Variants in RDX observed in about 807,000 individuals in gnomAD.
RDX encodes the protein radixin, also known as deafness, autosomal recessive 24.
A neutral mutation model predicts 83.7 loss-of-function variants in RDX; 32 were observed. The ratio of observed to expected loss-of-function variants is 0.38; its 90% confidence interval spans 0.29 to 0.51. RDX has a LOEUF of 0.51. RDX is among the 20% of genes least tolerant of loss of function. The probability of loss-of-function intolerance (pLI) is 0.87; values close to 1 mark genes in which losing one functional copy is unlikely to be tolerated. For synonymous variants in RDX, 229 were observed against 222.7 expected (o/e 1.03, Z -0.25); for missense variants, 600 against 689.9 (o/e 0.87, Z 1.46).
chr11:110,264,276 T>C, intron 4 of RDX, 42 bp from the exon 5 acceptor site: 2 of 1,382,054 alleles, frequency 1.4e-6, no homozygotes, highest in Non-Finnish European at 2.0e-6. Context: ...AAATCTTAAG[T>C]TTACAATAAT....
chr11:110,284,249 CT>C (rs1015018063), intron 1 of RDX, among the ~76,000 whole-genome samples: 1 of 152,048 alleles, frequency 6.6e-6, no homozygotes, highest in African/African-American at 2.4e-5. Context: ...GTAATAAATC[CT>C]CCAGAAGATA....
chr11:110,177,628 C>T (rs1479606636), intron 15 of RDX, among the ~76,000 whole-genome samples: 1 of 152,184 alleles, frequency 6.6e-6, no homozygotes, highest in South Asian at 2.1e-4. Flanking sequence ...CTTGGCCTGG[C>T]CTGGGAGCTC....
chr11:110,218,330 A>G (rs978862285), intron 14 of RDX, among the ~76,000 whole-genome samples: 1 of 152,250 alleles, frequency 6.6e-6, no homozygotes, highest in Non-Finnish European at 1.5e-5. Flanking sequence ...CTTGTTGCTG[A>G]AACCAGTTTA....
chr11:110,248,759 G>A (rs1859213115), intron 9 of RDX, among the ~76,000 whole-genome samples: 1 of 152,144 alleles, frequency 6.6e-6, no homozygotes, highest in African/African-American at 2.4e-5. Flanking sequence ...ATAAAGGACT[G>A]AAGGGAGCAA....
intron 7 of RDX, among the ~76,000 whole-genome samples, chr11:110,256,764 CT>C (rs1859562306): frequency 6.6e-6 from 1 of 152,104 alleles, no homozygotes; most frequent in African/African-American, 2.4e-5. Flanking sequence ...GTCATTTTTG[CT>C]TTTCAAAAAT....
intron 3 of RDX, among the ~76,000 whole-genome samples, chr11:110,267,146 T>C (rs1860083152): frequency 6.6e-6 from 1 of 152,112 alleles, no homozygotes; most frequent in African/African-American, 2.4e-5. Context: ...TCAAGGGATC[T>C]GCCCACCTCA....
intron 15 of RDX, among the ~76,000 whole-genome samples, chr11:110,181,612 G>A (rs1377527460): frequency 6.6e-6 from 1 of 152,238 alleles, no homozygotes; most frequent in Non-Finnish European, 1.5e-5. Flanking sequence ...CCAAGAATGG[G>A]GGCATGGCCC....
At chr11:110,267,094 G>C (rs1333654160) in intron 3 of RDX, among the ~76,000 whole-genome samples, 1 of 152,048 alleles carries the variant, frequency 6.6e-6, no homozygotes, top group African/African-American at 2.4e-5. Flanking sequence ...AGTAGAGATA[G>C]GGTCTCACTA....
chr11:110,262,428 T>C (rs1859842136), intron 5 of RDX, among the ~76,000 whole-genome samples: 1 of 151,896 alleles, frequency 6.6e-6, no homozygotes, highest in Admixed American at 6.6e-5. Flanking sequence ...CCACTAAAAA[T>C]GCAAAAATTA....
rs564909434 is a variant in RDX, at chr11:110,286,567, A to G, written c.-64-6811T>C. 2.6e-5 allele frequency among the ~76,000 whole-genome samples: 4 copies of G among 152,368 alleles called. No homozygotes were observed. In the South Asian group the frequency reaches 6.2e-4, roughly 24 times the overall value. On this transcript the variant is annotated intron_variant, in intron 1 of 13. Transcript: ENST00000645495. ...GTCCATGCAGTGCCTGCACTGAAGC[A>G]TCAATAATTCATAGCAGATTGCCTG...
chr11:110,294,540 T>C (rs893605943), intron 1 of RDX, among the ~76,000 whole-genome samples: 1 of 151,962 alleles, frequency 6.6e-6, no homozygotes, highest in African/African-American at 2.4e-5. Context: ...ATTTATCGAC[T>C]TAAAAAAAAA....
intron 15 of RDX, among the ~76,000 whole-genome samples, chr11:110,187,061 G>T (rs1425726088): frequency 6.6e-6 from 1 of 152,152 alleles, no homozygotes; most frequent in East Asian, 1.9e-4. Context: ...AGTTTCTCCT[G>T]GGCAAAAAGA....
intron 14 of RDX, among the ~76,000 whole-genome samples, chr11:110,217,984 T>A (rs1384493782): frequency 2.6e-5 from 4 of 152,208 alleles, no homozygotes; most frequent in Non-Finnish European, 5.9e-5. Context: ...ATCTAATAAA[T>A]GTTTAATGAA....
exon 16 of RDX, chr11:110,175,077 G>A (rs1309422592): frequency 6.6e-6 from 1 of 152,172 alleles, no homozygotes; most frequent in Non-Finnish European, 1.5e-5. Flanking sequence ...GATGGGCTTG[G>A]GTTGGGACTC....
In RDX at chr11:110,263,960, C is replaced by T. The variant is rs753570699; in HGVS notation, c.467G>A (p.Arg156His). Residue 156 changes from arginine to histidine, a missense_variant and splice_region_variant, in exon 5 of 14, where the codon CGT becomes CAT. By Grantham distance (29) the Arg-to-His change is conservative. Coordinates refer to ENST00000645495, the MANE Select transcript of RDX (RefSeq NM_002906.4). Reference sequence around the variant, plus strand: ...TAATGCAAACGCATGTTTCACTTACCGCTGGGGTAGGAGTCTATCATTAGC... The same window carrying T: ...TAATGCAAACGCATGTTTCACTTACTGCTGGGGTAGGAGTCTATCATTAGC... ...YLANDRLLPQ[R>H]VLEQHKLTKE... is the part of the protein sequence containing the mutation. The T allele has an allele frequency of 4.3e-6, 7 of 1,612,662 alleles. No homozygotes were observed. The highest frequency in any genetic ancestry group is 3.3e-5 in the South Asian group (3 of 91,000).
intron 1 of RDX, among the ~76,000 whole-genome samples, chr11:110,285,753 A>G (rs1555048935): frequency 6.6e-6 from 1 of 150,838 alleles, no homozygotes; most frequent in Non-Finnish European, 1.5e-5. Context: ...TCTAGTCTAT[A>G]AATATATTAG....
Position 110,264,015 on chromosome 11 carries a change from T to C in RDX, c.412A>G (p.Asn138Asp). Reference protein sequence around the residue: ...YAVQAKYGDYNKEIHKPGYLA... With the variant: ...YAVQAKYGDYDKEIHKPGYLA... Reference sequence around the variant, plus strand: ...TAGCCTGGCTTATGAATCTCTTTATTGTAATCTCCATACTTGGCTTGGACA... The same window carrying C: ...TAGCCTGGCTTATGAATCTCTTTATCGTAATCTCCATACTTGGCTTGGACA... The change falls in exon 5 of 14, where the codon AAT (asparagine) becomes GAT (aspartate). Residue 138 changes from asparagine to aspartate, a missense_variant. Coordinates refer to ENST00000645495, the MANE Select transcript of RDX (RefSeq NM_002906.4). The C allele has an allele frequency of 6.2e-7, 1 of 1,613,798 alleles. No homozygotes were observed. Among genetic ancestry groups the C allele is most frequent in the African/African-American group, 1.3e-5 (1 of 75,040 alleles).
chr11:110,200,821 A>T (rs955663042), intron 14 of RDX, among the ~76,000 whole-genome samples: 4 of 152,212 alleles, frequency 2.6e-5, no homozygotes, highest in Admixed American at 6.5e-5. Context: ...ATAGTACCTG[A>T]AATTTAAGAA....
At position 110,229,496 on chromosome 11, in the gene RDX, T is replaced by C. The variant is rs1864542938; in HGVS notation, c.*2373A>G. ...TTAACCAATGAATATTATCCAAAATTAGAGATGTAATTGTAACTTAATTGT... is the reference window on the plus strand; with the variant it reads ...TTAACCAATGAATATTATCCAAAATCAGAGATGTAATTGTAACTTAATTGT... On this transcript the variant is annotated 3_prime_UTR_variant, in exon 14 of 14. Transcript: ENST00000645495. 1 of 152,440 alleles carries C rather than the reference T, an allele frequency of 6.6e-6. No individual in the cohort carries two copies. The allele number at this position is 152,440 out of a possible 1,614,324, so 9.4% of individuals were successfully genotyped here. A position where few individuals can be genotyped will look rare whatever the true frequency, so the allele number is the denominator to read the frequency against.
Sources: allele counts gnomAD v4.1 joint callset (sites outside exome capture counted in the v4.1 genomes callset), GRCh38; gene constraint gnomAD v4.1.1; transcripts MANE v1.5; gene names NCBI Gene and HGNC (gene_info 2026-07-23, HGNC 2026-07-21).